COL23A1: variants seen among roughly 807,000 people sequenced by gnomAD.
COL23A1 encodes collagen alpha-1(XXIII) chain.
COL23A1 carries 97 observed loss-of-function variants against 99.3 expected under a neutral mutation model. The ratio of observed to expected loss-of-function variants is 0.98; its 90% CI spans 0.83 to 1.16. The LOEUF (loss-of-function observed/expected upper bound fraction) is 1.16. Ranked by LOEUF, COL23A1 falls within the 50% of genes most tolerant of loss-of-function variation. COL23A1 has a pLI of 0.00. For missense variants in COL23A1, 762 were observed against 757.4 expected, an observed-to-expected ratio of 1.01 and a Z score of -0.07; for synonymous variants, 320 against 308.2, an observed-to-expected ratio of 1.04 and a Z score of -0.40.
At chr5:178,250,303 AGTT>A (rs1422649532) in intron 17 of COL23A1, among the ~76,000 whole-genome samples, 198 bp from the exon 18 acceptor site, 14 of 152,200 alleles carry the variant, frequency 9.2e-5, no homozygotes, top group African/African-American at 3.1e-4. Context: ...ATCACCTGTA[AGTT>A]GTTATGTCAC....
At chr5:178,333,826 C>T (rs952580767) in intron 2 of COL23A1, among the ~76,000 whole-genome samples, 7 of 152,258 alleles carry the variant, frequency 4.6e-5, no homozygotes, top group East Asian at 3.9e-4. Flanking sequence ...GTTTAGAGAA[C>T]GCAGCACGGG....
chr5:178,321,690 T>C (rs1198285428), intron 2 of COL23A1, among the ~76,000 whole-genome samples: 3 of 151,534 alleles, frequency 2.0e-5, no homozygotes, highest in African/African-American at 7.3e-5. Context: ...GGGGTTTCAC[T>C]GTGTTAGCCA....
At chr5:178,563,782 T>C (rs557917352) in intron 1 of COL23A1, among the ~76,000 whole-genome samples, 7 of 152,134 alleles carry the variant, frequency 4.6e-5, no homozygotes, top group Admixed American at 6.5e-5. Context: ...TCCTCCTGCC[T>C]TGGCCTCTCA....
rs758870710 is a variant in COL23A1, at chr5:178,428,863, G to A, written c.362-121944C>T. ...AACTCTGCCCCTGGAGTGGTGCCTC[G>A]TGGGGGTGGGGGCAGGGCTGCCTTT... On this transcript the variant is annotated intron_variant, in intron 2 of 28. Coordinates refer to ENST00000390654, the MANE Select transcript of COL23A1 (RefSeq NM_173465.4). The surrounding 1 kb of genome is among the most constrained non-coding windows in gnomAD (Gnocchi z 5.0). Among the ~76,000 whole-genome samples, 5 of 152,278 alleles carry A rather than the reference G, an allele frequency of 3.3e-5. No homozygotes were observed. The East Asian group carries it at 5.8e-4, about 18-fold the overall frequency.
chr5:178,498,254 A>G (rs1290815213), intron 2 of COL23A1, among the ~76,000 whole-genome samples: 11 of 90,712 alleles, frequency 1.2e-4, no homozygotes, highest in East Asian at 1.1e-3. Flanking sequence ...ATATATATAT[A>G]TATAAAAGAA....
Position 178,281,552 on chromosome 5 carries a change from C to G in COL23A1, c.441+6772G>C, listed in dbSNP as rs886543937. On this transcript the variant is annotated intron_variant, in intron 5 of 28. Coordinates refer to ENST00000390654, the MANE Select transcript of COL23A1 (RefSeq NM_173465.4). This position sits in a 1 kb window ranked among gnomAD's most constrained non-coding sequence, Gnocchi z 4.0. ...CGGCGCTCCGGGGCCCAGGAGGTGC[C>G]GTGCGTGTGGTTTTGGGTGTGCTCA... 1.3e-5 allele frequency among the ~76,000 whole-genome samples: 2 copies of G among 152,066 alleles called. No individual in the cohort carries two copies. Among genetic ancestry groups the G allele is most frequent in the African/African-American group, 4.8e-5 (2 of 41,426 alleles).
chr5:178,562,405 T>G (rs1436768328), intron 1 of COL23A1, among the ~76,000 whole-genome samples: 1 of 149,574 alleles, frequency 6.7e-6, no homozygotes, highest in African/African-American at 2.5e-5. Context: ...ATACAAAAAA[T>G]TAGCCGGGCG....
At position 178,325,309 on chromosome 5, in the gene COL23A1, C is replaced by A. The variant is rs914891368; in HGVS notation, c.362-18390G>T. ...TTCCCTTTAAAGGCATCCACAGGTT[C>A]CCCGCTGTCTTTGGGACAGCGCTCC... On this transcript the variant is annotated intron_variant, in intron 2 of 28. Transcript: ENST00000390654. Among the ~76,000 whole-genome samples, 13 of 139,652 alleles carry A rather than the reference C, an allele frequency of 9.3e-5. No homozygotes were observed. The East Asian group carries it at 2.6e-3, about 28-fold the overall frequency. 91.6% of individuals were successfully genotyped at this position (139,652 alleles called of 152,430 possible).
chr5:178,391,594 G>A (rs144334094), intron 2 of COL23A1, among the ~76,000 whole-genome samples: 485 of 152,218 alleles, frequency 3.2e-3, no homozygotes, highest in Non-Finnish European at 5.0e-3. Context: ...TGTTGGTGAG[G>A]ATGGGGGGAA....
At chr5:178,292,527 T>C (rs930231861) in intron 3 of COL23A1, among the ~76,000 whole-genome samples, 5 of 152,064 alleles carry the variant, frequency 3.3e-5, no homozygotes, top group Admixed American at 1.3e-4. Context: ...AGAGGGGCAA[T>C]GTGGGGCAAT....
chr5:178,305,999 G>A (rs893015886), intron 3 of COL23A1, among the ~76,000 whole-genome samples: 8 of 152,068 alleles, frequency 5.3e-5, no homozygotes, highest in East Asian at 1.9e-4. Context: ...TCGGGGACCC[G>A]GAGGAGAGGA....
intron 3 of COL23A1, among the ~76,000 whole-genome samples, chr5:178,295,316 A>G (rs906259406): frequency 2.6e-5 from 4 of 152,274 alleles, no homozygotes; most frequent in African/African-American, 9.6e-5. Context: ...ATCCAAAGAT[A>G]TGAATGAAGA....
chr5:178,436,587 G>A (rs377543015), intron 2 of COL23A1, among the ~76,000 whole-genome samples: 17 of 152,312 alleles, frequency 1.1e-4, no homozygotes, highest in African/African-American at 3.1e-4. Context: ...GGGCTGACTC[G>A]GAACAAGAGC....
At chr5:178,516,276 T>C (rs1272629690) in intron 2 of COL23A1, among the ~76,000 whole-genome samples, 2 of 152,214 alleles carry the variant, frequency 1.3e-5, no homozygotes, top group Non-Finnish European at 1.5e-5. Context: ...CTCCTGCGTC[T>C]CTGGTACCCA....
At chr5:178,410,012 T>C (rs144703026) in intron 2 of COL23A1, among the ~76,000 whole-genome samples, 358 of 152,192 alleles carry the variant, frequency 2.4e-3, no homozygotes, top group African/African-American at 7.7e-3. Flanking sequence ...ACTGACACAT[T>C]TGACTATTTA....
At chr5:178,360,989 C>T (rs745892626) in intron 2 of COL23A1, among the ~76,000 whole-genome samples, 2 of 152,188 alleles carry the variant, frequency 1.3e-5, no homozygotes, top group Non-Finnish European at 2.9e-5. Flanking sequence ...GCAAACAGGG[C>T]TGGACTGAAC....
In COL23A1 at chr5:178,238,689, G is replaced by GC. The variant is rs746587057; in HGVS notation, c.*8dup. On this transcript the variant is annotated 3_prime_UTR_variant, in exon 29 of 29. Transcript: ENST00000390654. ...ACGGATCTGTACAGGTGTGAGCTGG[G>GC]CCTGTGGGTCACTGGAAAAGGAGGA... is the stretch of plus-strand genomic sequence containing the variant. The GC allele has an allele frequency of 2.1e-5, 34 of 1,612,034 alleles. No homozygotes were observed. The highest frequency in any genetic ancestry group is 2.6e-5 in the Non-Finnish European group (31 of 1,179,866).
At chr5:178,418,915 C>T (rs898450347) in intron 2 of COL23A1, among the ~76,000 whole-genome samples, 1 of 152,284 alleles carries the variant, frequency 6.6e-6, no homozygotes, top group South Asian at 2.1e-4. Flanking sequence ...CTGTCACCAC[C>T]CCCAGCCTGC....
rs1272143946 is a variant in COL23A1, at chr5:178,256,859, A to G, written c.837+7T>C. Reference sequence around the variant, plus strand: ...GCAGGCGCCAGAGCAGAGAGCTCTCATGTCACCTTCGGTCCTGGGGCACCG... The same window carrying G: ...GCAGGCGCCAGAGCAGAGAGCTCTCGTGTCACCTTCGGTCCTGGGGCACCG... On this transcript the variant is annotated splice_region_variant and intron_variant, in intron 14 of 28. Transcript: ENST00000390654. 1 of 1,612,286 alleles carries G rather than the reference A, an allele frequency of 6.2e-7. No individual in the cohort carries two copies. The highest frequency in any genetic ancestry group is 8.5e-7 in the Non-Finnish European group (1 of 1,179,332).
Sources: allele counts gnomAD v4.1 joint callset (sites outside exome capture counted in the v4.1 genomes callset), GRCh38; gene constraint gnomAD v4.1.1; non-coding constraint Gnocchi (gnomAD v3.1); transcripts MANE v1.5; gene names NCBI Gene and HGNC (gene_info 2026-07-23, HGNC 2026-07-21).